USF3: variants seen among roughly 807,000 people sequenced by gnomAD.
The protein encoded by USF3 is basic helix-loop-helix domain-containing protein USF3.
In USF3, 29 loss-of-function variants were observed where a neutral mutation model predicts 157.5. That is an observed-to-expected ratio of 0.18 (90% CI 0.14 to 0.25). USF3 has a LOEUF of 0.25. Ranked by LOEUF, USF3 falls within the 10% of genes least tolerant of loss-of-function variation. The pLI is 1.00. For synonymous variants in USF3, 893 were observed against 941.4 expected, an observed-to-expected ratio of 0.95 and a Z score of 0.94; for missense variants, 2,381 against 2,667.6, an observed-to-expected ratio of 0.89 and a Z score of 2.37.
At chr3:113,676,829 A>G (rs1190114785) in intron 2 of USF3, among the ~76,000 whole-genome samples, 1 of 151,920 alleles carries the variant, frequency 6.6e-6, no homozygotes, top group African/African-American at 2.4e-5. Flanking sequence ...GGCAAGTTAC[A>G]TGACCCTCAG....
chr3:113,684,440 T>C (rs1027804656), intron 1 of USF3, among the ~76,000 whole-genome samples: 1 of 152,190 alleles, frequency 6.6e-6, no homozygotes, highest in African/African-American at 2.4e-5. Flanking sequence ...TTGAATAAAC[T>C]TTCTACCTCA....
chr3:113,657,505 C>T lies in USF3; in HGVS notation c.4177G>A (p.Ala1393Thr), dbSNP rs1184580135. Residue 1393 changes from alanine (A) to threonine (T), a missense_variant, in exon 7 of 7, where the codon GCT becomes ACT. Transcript: ENST00000316407. ...AATCGTGTAAGGCCATCTCCATGAG[C>T]TGGGTTGCTAACAGGCACAACTGAG... ...SNSVVPVSNPAHGDGLTRLFP... is the reference protein window; with the variant it reads ...SNSVVPVSNPTHGDGLTRLFP... The T allele has an allele frequency of 7.4e-6, 12 of 1,614,106 alleles. No homozygotes were observed. The highest frequency in any genetic ancestry group is 2.2e-5 in the East Asian group (1 of 44,878).
chr3:113,659,154 C>G lies in USF3; in HGVS notation c.2528G>C (p.Ser843Thr). The G allele has an allele frequency of 3.7e-6, 6 of 1,614,208 alleles. No individual in the cohort carries two copies. The highest frequency in any genetic ancestry group is 4.2e-6 in the Non-Finnish European group (5 of 1,180,024). ...EPPCNDGLLE[S>T]FPAVLPSVSV... ...GACAGATGGTAACACAGCAGGGAAGCTTTCTAGCAGTCCATCATTACAGGG... is the reference window on the plus strand; with the variant it reads ...GACAGATGGTAACACAGCAGGGAAGGTTTCTAGCAGTCCATCATTACAGGG... Residue 843 changes from serine to threonine, a missense_variant, in exon 7 of 7, where the codon AGC becomes ACC. Transcript: ENST00000316407.
chr3:113,664,249 A>T, intron 6 of USF3, 64 bp downstream of exon 6: 1 of 1,043,456 alleles, frequency 9.6e-7, no homozygotes, highest in African/African-American at 1.6e-5. Flanking sequence ...TATAAATTTC[A>T]CTGTGACACA....
rs1947299649 is a variant in USF3 at position 113,653,493 on chromosome 3, C to CA, written c.*1450dup. 2 of 151,188 alleles carry CA rather than the reference C, an allele frequency of 1.3e-5. No homozygotes were observed. Among genetic ancestry groups the CA allele is most frequent in the Admixed American group, 1.3e-4 (2 of 15,046 alleles). The allele number at this position is 151,188 out of a possible 1,614,324, so 9.4% of individuals were successfully genotyped here. On this transcript the variant is annotated 3_prime_UTR_variant, in exon 7 of 7. Coordinates refer to ENST00000316407, the MANE Select transcript of USF3 (RefSeq NM_001009899.4). ...TGGCACGTGCCTGTAGTCCCAGCTA[C>CA]ACAGGAGGCTGAGGCAGGAGAATCA...
Position 113,660,442 on chromosome 3 carries a change from A to G in USF3, c.1240T>C (p.Leu414=). 1 of 1,614,194 alleles carries G rather than the reference A, an allele frequency of 6.2e-7. No individual in the cohort carries two copies. The change falls in exon 7 of 7, where the codon TTG becomes CTG. Residue 414 remains leucine, a synonymous_variant. Coordinates refer to ENST00000316407, the MANE Select transcript of USF3 (RefSeq NM_001009899.4). The part of the protein sequence containing the change: ...LPSSSVSTSD[L]KNINSLTRIS... ...CGTGTAAGGCTATTAATGTTTTTCAAATCTGAAGTACTAACACTTGAAGAA... is the reference window on the plus strand; with the variant it reads ...CGTGTAAGGCTATTAATGTTTTTCAGATCTGAAGTACTAACACTTGAAGAA...
rs143704020 is a variant in USF3, at chr3:113,670,664, T to C, written c.77-461A>G. On this transcript the variant is annotated intron_variant, in intron 4 of 6. Transcript: ENST00000316407. ...GGAAGGGGAAGGGCTTATCAAACAT[T>C]ATCTACTATAAATAACTATAATAAG... is the stretch of plus-strand genomic sequence containing the variant. 8.5e-5 allele frequency among the ~76,000 whole-genome samples: 13 copies of C among 152,222 alleles called. No homozygotes were observed. The East Asian group carries it at 2.5e-3, about 29-fold the overall frequency.
chr3:113,670,026 TAGAA>T, intron 5 of USF3, 91 bp downstream of exon 5: 2 of 793,238 alleles, frequency 2.5e-6, no homozygotes, highest in Non-Finnish European at 2.2e-6. Flanking sequence ...TACATAGAAA[TAGAA>T]AGCAACAAAA....
intron 1 of USF3, among the ~76,000 whole-genome samples, chr3:113,688,383 G>A (rs1276328041): frequency 1.3e-5 from 2 of 152,196 alleles, no homozygotes; most frequent in Admixed American, 1.3e-4. Flanking sequence ...CTCCCTAAGT[G>A]CTGGGATTAT....
At position 113,657,547 on chromosome 3, in the gene USF3, G is replaced by C. The variant is rs1336571394; in HGVS notation, c.4135C>G (p.Pro1379Ala). Residue 1379 changes from proline (P) to alanine (A), a missense_variant, in exon 7 of 7, where the codon CCT (proline) becomes GCT (alanine). Around this residue, in one of 6 missense-constraint regions of USF3, gnomAD observed 1,435 missense variants for 1,550.9 expected, o/e 0.93. Transcript: ENST00000316407. ...ACAACTGAGTTTGAAGAATTAGGAG[G>C]GATCTGACTGACCATCATTTGAGTT... The part of the protein sequence containing the change: ...DQTQMMVSQI[P>A]PNSSNSVVPV... 1.2e-6 allele frequency: 2 copies of C among 1,614,112 alleles called. No homozygotes were observed. Among genetic ancestry groups the C allele is most frequent in the Admixed American group, 3.3e-5 (2 of 60,012 alleles).
At position 113,659,070 on chromosome 3, in the gene USF3, C is replaced by T. The variant is rs114884748; in HGVS notation, c.2612G>A (p.Ser871Asn). ...VSASHSLGVL[S>N]SESLIPESVS... Reference sequence around the variant, plus strand: ...AGACTCAGGTATTAATGATTCAGAGCTTAGAACACCCAAAGAATGTGAAGC... The same window carrying T: ...AGACTCAGGTATTAATGATTCAGAGTTTAGAACACCCAAAGAATGTGAAGC... Residue 871 changes from serine to asparagine, a missense_variant, in exon 7 of 7, where the codon AGC becomes AAC. This residue lies in a region of USF3 where 1,435 missense variants were observed against 1,550.9 expected (regional missense o/e 0.93). Transcript: ENST00000316407. 1.3e-3 allele frequency: 2,088 copies of T among 1,614,096 alleles called. 34 individuals are homozygous for T. In the African/African-American group the frequency reaches 0.024, roughly 19 times the overall value.
intron 1 of USF3, among the ~76,000 whole-genome samples, chr3:113,680,614 C>T (rs1247189774): frequency 2.6e-5 from 4 of 152,074 alleles, no homozygotes; most frequent in Admixed American, 2.6e-4. Flanking sequence ...GAGTTTAAGA[C>T]CAGCCTGGCC....
At chr3:113,670,577 G>A (rs561411601) in intron 4 of USF3, among the ~76,000 whole-genome samples, 1 of 151,818 alleles carries the variant, frequency 6.6e-6, no homozygotes, top group Non-Finnish European at 1.5e-5. Context: ...TCCACCCTGC[G>A]TGACAGAACG....
At chr3:113,683,463 G>A (rs1278099855) in intron 1 of USF3, among the ~76,000 whole-genome samples, 1 of 102,164 alleles carries the variant, frequency 9.8e-6, no homozygotes, top group East Asian at 2.7e-4. Context: ...TTTATCCCCT[G>A]CTTTTTTTTT....
chr3:113,686,004 G>C (rs527268064), intron 1 of USF3, among the ~76,000 whole-genome samples: 3 of 152,174 alleles, frequency 2.0e-5, no homozygotes, highest in Non-Finnish European at 4.4e-5. Context: ...ACCCCAGCTA[G>C]TATTTCACTA....
At chr3:113,677,100 C>A (rs1032314401) in intron 2 of USF3, among the ~76,000 whole-genome samples, 182 bp downstream of exon 2, 1 of 152,158 alleles carries the variant, frequency 6.6e-6, no homozygotes, top group Non-Finnish European at 1.5e-5. Flanking sequence ...ACTGAAGCAG[C>A]CTGTCGAGAA....
rs768446942 is a variant in USF3 at position 113,654,822 on chromosome 3, C to G, written c.*122G>C. ...TGGCTTCCCTACATTCAGAAGATAACTGAAAACTGATTATACAGACACACA... is the reference window on the plus strand; with the variant it reads ...TGGCTTCCCTACATTCAGAAGATAAGTGAAAACTGATTATACAGACACACA... On this transcript the variant is annotated 3_prime_UTR_variant, in exon 7 of 7. Transcript: ENST00000316407. 25 of 1,128,588 alleles carry G rather than the reference C, an allele frequency of 2.2e-5. No homozygotes were observed. Among genetic ancestry groups the G allele is most frequent in the Non-Finnish European group, 3.1e-5 (25 of 819,048 alleles). 69.9% of individuals were successfully genotyped at this position (1,128,588 alleles called of 1,614,324 possible).
chr3:113,651,945 T>G lies in USF3; in HGVS notation c.*2999A>C, dbSNP rs1229379681. 2 of 152,194 alleles carry G rather than the reference T, an allele frequency of 1.3e-5. No homozygotes were observed. Among genetic ancestry groups the G allele is most frequent in the Non-Finnish European group, 2.9e-5 (2 of 68,040 alleles). The allele number at this position is 152,194 out of a possible 1,614,324, so 9.4% of individuals were successfully genotyped here. ...ACACAGCTAAGCAGGAAAATACAATTAATGCAACAGAAATACTTGAAAGTC... is the reference window on the plus strand; with the variant it reads ...ACACAGCTAAGCAGGAAAATACAATGAATGCAACAGAAATACTTGAAAGTC... On this transcript the variant is annotated 3_prime_UTR_variant, in exon 7 of 7. Transcript: ENST00000316407.
At chr3:113,692,222 C>T (rs1000263389) in intron 1 of USF3, among the ~76,000 whole-genome samples, 1 of 152,140 alleles carries the variant, frequency 6.6e-6, no homozygotes, top group Admixed American at 6.5e-5. Flanking sequence ...AGACTAAATA[C>T]CCTTCTTCAT....
Sources: gnomAD v4.1 joint callset for allele counts (sites outside exome capture counted in the v4.1 genomes callset) on GRCh38, gnomAD v4.1.1 for gene constraint, gnomAD v4.1.1 regional missense constraint, MANE v1.5 for transcripts, NCBI Gene and HGNC (gene_info 2026-07-23, HGNC 2026-07-21) for gene names.